CLINT1: variants seen among roughly 807,000 people sequenced by gnomAD.
CLINT1 encodes the protein clathrin interactor 1, also known as clathrin interacting protein localized in the trans-Golgi region.
A neutral mutation model predicts 70.4 loss-of-function variants in CLINT1; 15 were observed. The ratio of observed to expected loss-of-function variants is 0.21; its 90% CI spans 0.14 to 0.33. The LOEUF is 0.33. Among genes scored for constraint, CLINT1 ranks in the 10% least tolerant of loss-of-function variants. The pLI, the probability that CLINT1 is intolerant of heterozygous loss-of-function variation, is 1.00. For synonymous variants in CLINT1, 227 were observed against 254.7 expected (o/e 0.89, Z 1.04); for missense variants, 615 against 778.1 (o/e 0.79, Z 2.49).
intron 8 of CLINT1, among the ~76,000 whole-genome samples, chr5:157,796,909 T>G (rs775424529): frequency 1.3e-5 from 2 of 151,626 alleles, no homozygotes; most frequent in Non-Finnish European, 2.9e-5. Context: ...TATATATATC[T>G]CCTCACTCAC....
At chr5:157,814,350 G>T in intron 3 of CLINT1, 57 bp from the exon 4 acceptor site, 1 of 1,188,188 alleles carries the variant, frequency 8.4e-7, no homozygotes, top group Non-Finnish European at 1.2e-6. Flanking sequence ...TAGAGCTTTG[G>T]TAAATGGTTA....
Position 157,811,040 on chromosome 5 carries a change from G to A in CLINT1, c.518-1235C>T, listed in dbSNP as rs570246494. Among the ~76,000 whole-genome samples the A allele has an allele frequency of 4.7e-4, 72 of 152,120 alleles. 1 individual carries two copies. In the South Asian group the frequency reaches 0.015, roughly 31 times the overall value. On this transcript the variant is annotated intron_variant, in intron 5 of 11. Transcript: ENST00000411809. ...TTCTAGACAAAATTTAAACCAGGAT[G>A]GTTTTTTTAAAAAAAGTGATTTTCC...
intron 9 of CLINT1, among the ~76,000 whole-genome samples, chr5:157,793,375 T>C (rs1485271501): frequency 6.6e-6 from 1 of 152,196 alleles, no homozygotes; most frequent in Non-Finnish European, 1.5e-5. Flanking sequence ...GCAAAATGTG[T>C]TGCCCCACCT....
chr5:157,827,404 C>A (rs1763073018), intron 1 of CLINT1, among the ~76,000 whole-genome samples: 1 of 151,998 alleles, frequency 6.6e-6, no homozygotes, highest in Non-Finnish European at 1.5e-5. Context: ...CACCCAAAAC[C>A]ATATAATAAT....
chr5:157,791,393 T>C (rs962712684), intron 10 of CLINT1, among the ~76,000 whole-genome samples: 1 of 152,140 alleles, frequency 6.6e-6, no homozygotes, highest in Admixed American at 6.5e-5. Context: ...AAAAAAACTA[T>C]CAAGTACCAA....
intron 1 of CLINT1, among the ~76,000 whole-genome samples, chr5:157,827,922 A>G (rs528458286): frequency 6.6e-6 from 1 of 152,302 alleles, no homozygotes; most frequent in East Asian, 1.9e-4. Flanking sequence ...TTAGTTGATC[A>G]ATAATTTTTT....
At chr5:157,855,235 A>T (rs1267280897) in intron 1 of CLINT1, among the ~76,000 whole-genome samples, 1 of 149,802 alleles carries the variant, frequency 6.7e-6, no homozygotes, top group Non-Finnish European at 1.5e-5. Flanking sequence ...GGATTCGCTG[A>T]GCTTGAACAA....
At chr5:157,806,804 C>G (rs1762398858) in intron 6 of CLINT1, among the ~76,000 whole-genome samples, 1 of 152,092 alleles carries the variant, frequency 6.6e-6, no homozygotes, top group African/African-American at 2.4e-5. Context: ...TCTCCTTCAG[C>G]CACATTCAAC....
rs190876061 is a variant in CLINT1 at position 157,855,627 on chromosome 5, C to T, written c.41+3303G>A. On this transcript the variant is annotated intron_variant, in intron 1 of 11. Coordinates refer to ENST00000411809, the MANE Select transcript of CLINT1 (RefSeq NM_014666.4). ...GGTGCAGCGATTGTGGAAAATATACCCCCACTTCCAGAAAAAGTCTTCAAG... is the reference window on the plus strand; with the variant it reads ...GGTGCAGCGATTGTGGAAAATATACTCCCACTTCCAGAAAAAGTCTTCAAG... Among the ~76,000 whole-genome samples, 20 of 152,254 alleles carry T rather than the reference C, an allele frequency of 1.3e-4. No homozygotes were observed. The East Asian group carries it at 3.5e-3, about 26-fold the overall frequency.
rs763844457 is a variant in CLINT1 at position 157,813,163 on chromosome 5, G to A, written c.417C>T (p.Ala139=). Residue 139 remains alanine, a synonymous_variant, in exon 5 of 12, where the codon GCC becomes GCT. Coordinates refer to ENST00000411809, the MANE Select transcript of CLINT1 (RefSeq NM_014666.4). The part of the protein sequence containing the change: ...RQKVKELVEF[A]QDDDRLREER... Reference sequence around the variant, plus strand: ...CTTCACGAAGCCTGTCGTCATCCTGGGCAAATTCAACCAATTCCTTCACCT... The same window carrying A: ...CTTCACGAAGCCTGTCGTCATCCTGAGCAAATTCAACCAATTCCTTCACCT... The A allele has an allele frequency of 1.9e-6, 3 of 1,613,342 alleles. No homozygotes were observed. The highest frequency in any genetic ancestry group is 3.3e-5 in the Admixed American group (2 of 59,966).
At chr5:157,792,285 C>A (rs537889715) in intron 9 of CLINT1, among the ~76,000 whole-genome samples, 1 of 152,074 alleles carries the variant, frequency 6.6e-6, no homozygotes, top group Admixed American at 6.5e-5. Flanking sequence ...TGGTGGCTCA[C>A]GCCTGTAATC....
At chr5:157,802,736 G>A (rs909314061) in intron 8 of CLINT1, among the ~76,000 whole-genome samples, 3 of 152,024 alleles carry the variant, frequency 2.0e-5, no homozygotes, top group African/African-American at 7.3e-5. Flanking sequence ...AGTAGAGACA[G>A]GGTATCACCA....
chr5:157,792,055 C>T, intron 9 of CLINT1, 60 bp from the exon 10 acceptor site: 2 of 1,463,128 alleles, frequency 1.4e-6, no homozygotes, highest in Non-Finnish European at 1.9e-6. Context: ...ACAAATGTAA[C>T]AATCTATGAA....
Position 157,786,966 on chromosome 5 carries a change from G to T in CLINT1, c.*680C>A, listed in dbSNP as rs1761745250. The T allele has an allele frequency of 6.6e-6, 1 of 152,434 alleles. No individual in the cohort carries two copies. Among genetic ancestry groups the T allele is most frequent in the African/African-American group, 2.4e-5 (1 of 41,380 alleles). The allele number at this position is 152,434 out of a possible 1,614,324, so 9.4% of individuals were successfully genotyped here. A position where few individuals can be genotyped will look rare whatever the true frequency, so the allele number is the denominator to read the frequency against. On this transcript the variant is annotated 3_prime_UTR_variant, in exon 12 of 12. Coordinates refer to ENST00000411809, the MANE Select transcript of CLINT1 (RefSeq NM_014666.4). Reference sequence around the variant, plus strand: ...AAAATTTCTTCCTAGTTCTGCACAGGATAATTACAGCAGAAGACATGGGAA... The same window carrying T: ...AAAATTTCTTCCTAGTTCTGCACAGTATAATTACAGCAGAAGACATGGGAA...
At chr5:157,825,424 C>T (rs1763005987) in intron 1 of CLINT1, among the ~76,000 whole-genome samples, 3 of 152,010 alleles carry the variant, frequency 2.0e-5, no homozygotes, top group Non-Finnish European at 1.5e-5. Context: ...AAAAAAATTA[C>T]GATCAAATGA....
chr5:157,822,288 A>T (rs1762901525), intron 1 of CLINT1, among the ~76,000 whole-genome samples: 1 of 151,090 alleles, frequency 6.6e-6, no homozygotes, highest in Admixed American at 6.6e-5. Context: ...CCATGTTTGT[A>T]TGCTGCAACC....
chr5:157,816,498 A>G (rs894373400), intron 3 of CLINT1, among the ~76,000 whole-genome samples: 6 of 152,174 alleles, frequency 3.9e-5, no homozygotes, highest in African/African-American at 7.2e-5. Context: ...TTTTAGTAGG[A>G]AAAATTTTAA....
chr5:157,836,221 G>A (rs1044763700), intron 1 of CLINT1, among the ~76,000 whole-genome samples: 4 of 152,176 alleles, frequency 2.6e-5, no homozygotes, highest in Non-Finnish European at 5.9e-5. Context: ...ATTGTCCTAA[G>A]CCACGGACAA....
At chr5:157,852,304 A>G (rs1753602587) in intron 1 of CLINT1, among the ~76,000 whole-genome samples, 1 of 152,246 alleles carries the variant, frequency 6.6e-6, no homozygotes, top group Non-Finnish European at 1.5e-5. Context: ...ATATTAAAGT[A>G]GAAGCCATTT....
Sources: gnomAD v4.1 joint callset for allele counts (sites outside exome capture counted in the v4.1 genomes callset) on GRCh38, gnomAD v4.1.1 for gene constraint, MANE v1.5 for transcripts, NCBI Gene and HGNC (gene_info 2026-07-23, HGNC 2026-07-21) for gene names.